ADCY9: variants seen among roughly 807,000 people sequenced by gnomAD.
ADCY9 encodes the protein adenylate cyclase type 9.
ADCY9 carries 50 observed loss-of-function variants against 101.5 expected under a neutral mutation model. That is an observed-to-expected ratio of 0.49 (90% CI 0.39 to 0.62). ADCY9 has a LOEUF of 0.62. ADCY9 is among the 20% of genes least tolerant of loss of function. ADCY9 has a pLI of 0.00. For synonymous variants in ADCY9, 905 were observed against 769.3 expected (o/e 1.18, Z -2.92); for missense variants, 1,662 against 1,800.4 (o/e 0.92, Z 1.39).
intron 2 of ADCY9, among the ~76,000 whole-genome samples, chr16:4,077,033 C>T (rs896281754): frequency 1.3e-5 from 2 of 150,728 alleles, no homozygotes; most frequent in South Asian, 2.1e-4. Context: ...GCCGAGATCA[C>T]GCCATTGCAT....
At chr16:4,009,480 C>T (rs1213145807) in intron 2 of ADCY9, among the ~76,000 whole-genome samples, 4 of 152,134 alleles carry the variant, frequency 2.6e-5, no homozygotes, top group African/African-American at 7.2e-5. Context: ...TGGTCTCGAA[C>T]TCCTAGACTC....
chr16:4,082,135 G>A (rs1165489036), intron 2 of ADCY9, among the ~76,000 whole-genome samples: 2 of 152,048 alleles, frequency 1.3e-5, no homozygotes, highest in Middle Eastern at 6.3e-3. Context: ...CAGCACTTTG[G>A]GAGACTGAGG....
downstream of ADCY9, among the ~76,000 whole-genome samples, chr16:3,958,586 A>C (rs1822798835): frequency 6.7e-6 from 1 of 149,908 alleles, no homozygotes; most frequent in Non-Finnish European, 1.5e-5. Context: ...AGATGATCTT[A>C]TGGGCAGCAG....
chr16:4,077,353 G>A (rs1020249885), intron 2 of ADCY9, among the ~76,000 whole-genome samples: 1 of 152,130 alleles, frequency 6.6e-6, no homozygotes, highest in Admixed American at 6.5e-5. Context: ...GGTCTTTCTG[G>A]CTGTAGAGAG....
intron 2 of ADCY9, among the ~76,000 whole-genome samples, chr16:4,109,651 G>A (rs752179097): frequency 7.9e-5 from 12 of 152,180 alleles, no homozygotes; most frequent in East Asian, 3.9e-4. Flanking sequence ...CCTGCCAGTC[G>A]TTTGTTTAAA....
rs180855140 is a variant in ADCY9, at chr16:4,050,893, A to G, written c.1694-43335T>C. On this transcript the variant is annotated intron_variant, in intron 2 of 10. Coordinates refer to ENST00000294016, the MANE Select transcript of ADCY9 (RefSeq NM_001116.4). ...GCTGATTCCAGGGCTGGAGCAAGGA[A>G]AGTTCCGGGTGAGCCTAGAACCAAG... 9.7e-4 allele frequency among the ~76,000 whole-genome samples: 148 copies of G among 152,214 alleles called. 2 individuals carry two copies. The South Asian group carries it at 0.017, about 17-fold the overall frequency.
intron 2 of ADCY9, among the ~76,000 whole-genome samples, chr16:4,024,779 A>G (rs1486345388): frequency 6.6e-6 from 1 of 152,142 alleles, no homozygotes; most frequent in African/African-American, 2.4e-5. Flanking sequence ...TTCTGCCTTC[A>G]GTACGTGGAC....
downstream of ADCY9, among the ~76,000 whole-genome samples, chr16:3,960,099 C>T (rs978980135): frequency 2.6e-5 from 4 of 152,102 alleles, no homozygotes; most frequent in Admixed American, 1.3e-4. Context: ...AGGTTTCCAG[C>T]GGAGAGTCCA....
At chr16:4,024,414 T>G (rs990772076) in intron 2 of ADCY9, among the ~76,000 whole-genome samples, 1 of 152,218 alleles carries the variant, frequency 6.6e-6, no homozygotes, top group Non-Finnish European at 1.5e-5. Flanking sequence ...CTCGCTCCAC[T>G]TCTCCTAACG....
At chr16:3,957,320 C>T (rs1204641303) in intron 5 of ADCY9, among the ~76,000 whole-genome samples, 3 of 152,174 alleles carry the variant, frequency 2.0e-5, no homozygotes, top group Non-Finnish European at 4.4e-5. Flanking sequence ...GTTTTCAGCT[C>T]GTTGGCAGAA....
At chr16:3,978,028 T>C (rs569517957) in intron 8 of ADCY9, among the ~76,000 whole-genome samples, 1 of 152,316 alleles carries the variant, frequency 6.6e-6, no homozygotes, top group Non-Finnish European at 1.5e-5. Context: ...TAATCCATGT[T>C]TCTGTGTAAC....
chr16:4,078,893 G>A (rs2056884957), intron 2 of ADCY9, among the ~76,000 whole-genome samples: 1 of 152,010 alleles, frequency 6.6e-6, no homozygotes, highest in South Asian at 2.1e-4. Context: ...ATACAAAAGG[G>A]CAACACACAT....
downstream of ADCY9, among the ~76,000 whole-genome samples, chr16:3,958,734 C>T (rs1487180954): frequency 1.6e-5 from 2 of 127,680 alleles, no homozygotes; most frequent in African/African-American, 6.0e-5. Flanking sequence ...TGCAGTGGTG[C>T]AATCCTGGCT....
Position 3,992,046 on chromosome 16 carries a change from G to A in ADCY9, c.2207+100C>T. ...AGATCGCGCCACTGCACTGCAGCCT[G>A]GATGACAGAGCGAGACTCAGTCTTA... On this transcript the variant is annotated intron_variant, in intron 5 of 10. Transcript: ENST00000294016. The surrounding 1 kb of genome is among the most constrained non-coding windows in gnomAD (Gnocchi z 4.2). 5 of 1,213,376 alleles carry A rather than the reference G, an allele frequency of 4.1e-6. No individual in the cohort carries two copies. Among genetic ancestry groups the A allele is most frequent in the South Asian group, 2.9e-5 (2 of 69,126 alleles). The allele number at this position is 1,213,376 out of a possible 1,614,324, so 75.2% of individuals were successfully genotyped here. A position where few individuals can be genotyped will look rare whatever the true frequency, so the allele number is the denominator to read the frequency against.
chr16:4,113,709 G>C (rs781185396), intron 2 of ADCY9, 41 bp downstream of exon 2: 1 of 1,577,796 alleles, frequency 6.3e-7, no homozygotes, highest in Non-Finnish European at 8.6e-7. Context: ...ATACAATCAG[G>C]ATCAGGGAGG....
At chr16:4,091,645 C>T (rs1463301554) in intron 2 of ADCY9, among the ~76,000 whole-genome samples, 1 of 152,200 alleles carries the variant, frequency 6.6e-6, no homozygotes, top group Non-Finnish European at 1.5e-5. Flanking sequence ...AAAGGAGGTA[C>T]TACTCCATGC....
At chr16:3,999,838 C>T (rs574595602) in intron 3 of ADCY9, among the ~76,000 whole-genome samples, 14 of 152,322 alleles carry the variant, frequency 9.2e-5, no homozygotes, top group African/African-American at 1.9e-4. Context: ...CATTTCAGGA[C>T]GTGCACCCTA....
chr16:4,084,278 A>C (rs1008537588), intron 2 of ADCY9, among the ~76,000 whole-genome samples: 2 of 151,760 alleles, frequency 1.3e-5, no homozygotes, highest in African/African-American at 4.8e-5. Context: ...CGCCCAGCTA[A>C]TTTTTATATT....
At chr16:4,098,343 C>G (rs1033989601) in intron 2 of ADCY9, among the ~76,000 whole-genome samples, 3 of 151,890 alleles carry the variant, frequency 2.0e-5, no homozygotes, top group Non-Finnish European at 4.4e-5. Context: ...AAGTGATTCT[C>G]CTGTCTCAAT....
Sources: allele counts gnomAD v4.1 joint callset (sites outside exome capture counted in the v4.1 genomes callset), GRCh38; gene constraint gnomAD v4.1.1; non-coding constraint Gnocchi (gnomAD v3.1); transcripts MANE v1.5; gene names NCBI Gene and HGNC (gene_info 2026-07-23, HGNC 2026-07-21).